Variants in DBT observed in about 807,000 individuals in gnomAD.
DBT encodes the protein lipoamide acyltransferase component of branched-chain alpha-keto acid dehydrogenase complex, mitochondrial.
DBT carries 40 observed loss-of-function variants against 51.3 expected under a neutral mutation model. The ratio of observed to expected loss-of-function variants is 0.78; its 90% CI spans 0.61 to 1.02. The LOEUF (loss-of-function observed/expected upper bound fraction) is 1.02. Ranked by LOEUF, DBT falls within the 50% of genes least tolerant of loss-of-function variation. The pLI is 0.00. For synonymous variants in DBT, 181 were observed against 190.4 expected (o/e 0.95, Z 0.41); for missense variants, 510 against 580.2 (o/e 0.88, Z 1.24).
chr1:100,244,678 A>G (rs1164798996), intron 1 of DBT, among the ~76,000 whole-genome samples: 1 of 152,190 alleles, frequency 6.6e-6, no homozygotes, highest in African/African-American at 2.4e-5. Flanking sequence ...TACCTATGAT[A>G]AAGTTTAATT....
chr1:100,217,520 C>T (rs1011152484), intron 5 of DBT, among the ~76,000 whole-genome samples: 2 of 152,160 alleles, frequency 1.3e-5, no homozygotes, highest in African/African-American at 4.8e-5. Context: ...AGATTATTTT[C>T]TTGGGATAGT....
rs767171508 is a variant in DBT, at chr1:100,249,119, C to T, written c.51+651G>A. On this transcript the variant is annotated intron_variant, in intron 1 of 10. Coordinates refer to ENST00000370132, the MANE Select transcript of DBT (RefSeq NM_001918.5). ...AGGGAGAAGAGGCAGGAAGAAGAAA[C>T]ACTAAGCAAATAGGGGTAACAAGTA... 46 of 987,594 alleles carry T rather than the reference C, an allele frequency of 4.7e-5. 1 individual carries two copies. The highest frequency in any genetic ancestry group is 9.2e-5 in the South Asian group (2 of 21,702). The allele number at this position is 987,594 out of a possible 1,614,324, so 61.2% of individuals were successfully genotyped here.
chr1:100,238,479 CTCTTT>C (rs1281465590), intron 2 of DBT, among the ~76,000 whole-genome samples: 1 of 148,638 alleles, frequency 6.7e-6, no homozygotes, highest in Non-Finnish European at 1.5e-5. Flanking sequence ...CCTCCTTCTT[CTCTTT>C]TCTTCTCTTC....
intron 4 of DBT, among the ~76,000 whole-genome samples, chr1:100,229,421 C>G (rs1663404389): frequency 2.6e-5 from 4 of 152,206 alleles, no homozygotes; most frequent in Admixed American, 6.5e-5. Flanking sequence ...CCACCTCGGC[C>G]TCCCAAAGTG....
chr1:100,225,009 C>T (rs527878582), intron 4 of DBT, among the ~76,000 whole-genome samples: 37 of 124,148 alleles, frequency 3.0e-4, no homozygotes, highest in African/African-American at 1.1e-3. Flanking sequence ...CAGAGTGAGA[C>T]TCCGTCTCCC....
intron 1 of DBT, among the ~76,000 whole-genome samples, chr1:100,248,221 A>G (rs773923817): frequency 6.6e-6 from 1 of 152,154 alleles, no homozygotes; most frequent in Non-Finnish European, 1.5e-5. Context: ...TGCCTTCAAC[A>G]TAAAAGAAGA....
At chr1:100,225,479 T>C (rs1025117408) in intron 4 of DBT, among the ~76,000 whole-genome samples, 12 of 152,138 alleles carry the variant, frequency 7.9e-5, no homozygotes, top group Non-Finnish European at 2.9e-5. Flanking sequence ...TAATTTGCTA[T>C]ACCCAGACTT....
chr1:100,225,037 A>AT, intron 4 of DBT, among the ~76,000 whole-genome samples: 1 of 108,026 alleles, frequency 9.3e-6, no homozygotes, highest in East Asian at 2.6e-4. Context: ...AAAAAAAAAA[A>AT]AAAAAATATA....
rs1663501021 is a variant in DBT, at chr1:100,230,688, G to A, written c.433+45C>T. On this transcript the variant is annotated intron_variant, in intron 4 of 10. Transcript: ENST00000370132. Reference sequence around the variant, plus strand: ...TAATTGGGACCCAATGACAAAAAGAGACCAATAATCAATTTGGTAAAATAG... The same window carrying A: ...TAATTGGGACCCAATGACAAAAAGAAACCAATAATCAATTTGGTAAAATAG... The A allele has an allele frequency of 3.9e-6, 5 of 1,267,358 alleles. No individual in the cohort carries two copies. In the South Asian group the frequency reaches 6.6e-5, roughly 17 times the overall value. The allele number at this position is 1,267,358 out of a possible 1,614,324, so 78.5% of individuals were successfully genotyped here.
At chr1:100,196,472 A>T (rs758913670) in intron 10 of DBT, 50 bp from the exon 11 acceptor site, 16 of 1,542,544 alleles carry the variant, frequency 1.0e-5, no homozygotes, top group Non-Finnish European at 1.3e-5. Flanking sequence ...ACAAAGAGTA[A>T]ACCTTCACTT....
chr1:100,191,566 T>A lies in DBT; in HGVS notation c.*4689A>T, dbSNP rs1168212066. On this transcript the variant is annotated 3_prime_UTR_variant, in exon 11 of 11. Coordinates refer to ENST00000370132, the MANE Select transcript of DBT (RefSeq NM_001918.5). ...CTTTTTAATCTGCCCATAAAAAAAT[T>A]CTCCCAGATTCCCATTCTCGATCCA... 6.6e-6 allele frequency: 1 copy of A among 152,062 alleles called. No homozygotes were observed. Among genetic ancestry groups the A allele is most frequent in the Non-Finnish European group, 1.5e-5 (1 of 68,014 alleles). The allele number at this position is 152,062 out of a possible 1,614,324, so 9.4% of individuals were successfully genotyped here.
intron 10 of DBT, among the ~76,000 whole-genome samples, chr1:100,200,217 G>C (rs976381125): frequency 1.8e-4 from 27 of 152,246 alleles, no homozygotes; most frequent in Middle Eastern, 6.8e-3. Flanking sequence ...GGAGGTTGGT[G>C]GGGGGAGGGG....
chr1:100,218,390 T>C lies in DBT; in HGVS notation c.555+236A>G, dbSNP rs759282378. On this transcript the variant is annotated intron_variant, in intron 5 of 10. Coordinates refer to ENST00000370132, the MANE Select transcript of DBT (RefSeq NM_001918.5). ...CAGTAAATGGTAGCTCTTACTGTTA[T>C]TAGGCTCTAAGAAAGAATAATAAAA... Among the ~76,000 whole-genome samples, 4 of 152,232 alleles carry C rather than the reference T, an allele frequency of 2.6e-5. No homozygotes were observed. In the East Asian group the frequency reaches 7.7e-4, roughly 29 times the overall value.
At chr1:100,224,530 T>C (rs1210959098) in intron 4 of DBT, among the ~76,000 whole-genome samples, 4 of 152,142 alleles carry the variant, frequency 2.6e-5, no homozygotes, top group Non-Finnish European at 4.4e-5. Flanking sequence ...GAAATAAAAC[T>C]AGCATGCAAG....
intron 7 of DBT, 180 bp from the exon 8 acceptor site, chr1:100,210,951 C>CTAGG (rs1662103490): frequency 6.0e-6 from 7 of 1,163,394 alleles, no homozygotes; most frequent in Non-Finnish European, 6.2e-6. Flanking sequence ...CCATGTGGAA[C>CTAGG]TAGGTCACCC....
intron 7 of DBT, chr1:100,213,562 C>T: frequency 3.2e-6 from 5 of 1,582,836 alleles, no homozygotes; most frequent in Non-Finnish European, 4.3e-6. Context: ...AGGACTGCTT[C>T]ACCTTCCTGG....
intron 4 of DBT, among the ~76,000 whole-genome samples, chr1:100,221,952 A>C (rs1298373720): frequency 6.6e-6 from 1 of 152,226 alleles, no homozygotes; most frequent in Non-Finnish European, 1.5e-5. Context: ...AATGCTTTGA[A>C]ATACTAAAGT....
chr1:100,226,053 T>C (rs1663184165), intron 4 of DBT, among the ~76,000 whole-genome samples: 1 of 152,102 alleles, frequency 6.6e-6, no homozygotes, highest in Non-Finnish European at 1.5e-5. Flanking sequence ...TTCATATAAA[T>C]AACTTGCTTT....
intron 8 of DBT, among the ~76,000 whole-genome samples, chr1:100,208,150 A>C (rs892490443): frequency 1.3e-5 from 2 of 152,170 alleles, no homozygotes; most frequent in African/African-American, 4.8e-5. Context: ...CAAAAACAAA[A>C]AAAAACAAAT....
Sources: allele counts gnomAD v4.1 joint callset (sites outside exome capture counted in the v4.1 genomes callset), GRCh38; gene constraint gnomAD v4.1.1; transcripts MANE v1.5; gene names NCBI Gene and HGNC (gene_info 2026-07-23, HGNC 2026-07-21).